Variants in TSHZ3 observed in about 807,000 individuals in gnomAD.
TSHZ3 encodes the protein teashirt homolog 3.
A neutral mutation model predicts 64.5 loss-of-function variants in TSHZ3; 10 were observed. The observed-to-expected ratio is 0.16, with a 90% CI of 0.10 to 0.26. The LOEUF is 0.26. TSHZ3 is among the 10% of genes least tolerant of loss of function. TSHZ3 has a pLI of 1.00. For synonymous variants in TSHZ3, 608 were observed against 593.1 expected (o/e 1.03, Z -0.36); for missense variants, 1,242 against 1,421.7 (o/e 0.87, Z 2.03).
At chr19:31,296,627 T>C (rs1976667017) in intron 1 of TSHZ3, among the ~76,000 whole-genome samples, 1 of 152,170 alleles carries the variant, frequency 6.6e-6, no homozygotes, top group South Asian at 2.1e-4. Flanking sequence ...TGGGCCACCT[T>C]GCCCAGTTAG....
At chr19:31,251,117 C>CT (rs1167374803) in intron 1 of TSHZ3, among the ~76,000 whole-genome samples, 1 of 152,116 alleles carries the variant, frequency 6.6e-6, no homozygotes, top group Non-Finnish European at 1.5e-5. Context: ...CCTTGGAAGC[C>CT]TTCCAGAAAT....
intron 5 of TSHZ3, among the ~76,000 whole-genome samples, chr19:31,162,495 C>CT (rs923526992): frequency 1.3e-5 from 2 of 152,186 alleles, no homozygotes; most frequent in African/African-American, 4.8e-5. Context: ...TGGATGACGG[C>CT]TTTTTTCCGA....
At chr19:31,205,010 T>C (rs1019777464) in exon 5 of TSHZ3, 2 of 152,262 alleles carry the variant, frequency 1.3e-5, no homozygotes, top group Non-Finnish European at 2.9e-5. Flanking sequence ...GAGGATGCTT[T>C]GAGGATGGAA....
rs7250260 is a variant in TSHZ3 at position 31,327,058 on chromosome 19, G to T, written c.40+22122C>A. Among the ~76,000 whole-genome samples, 1,352 of 152,170 alleles carry T rather than the reference G, an allele frequency of 8.9e-3. 24 individuals carry two copies. Among genetic ancestry groups the T allele is most frequent in the African/African-American group, 0.031 (1,291 of 41,494 alleles). On this transcript the variant is annotated intron_variant, in intron 1 of 1. Transcript: ENST00000240587. The stretch of plus-strand genomic sequence containing the variant: ...ACAGCACTCAGCCAGGCTACTGAAA[G>T]GCAGCAGCTTTCTGTTTCATTAAAA...
chr19:31,184,444 TG>T (rs36083945), intron 5 of TSHZ3, among the ~76,000 whole-genome samples: 6,282 of 152,290 alleles, frequency 0.041, 414 homozygotes, highest in African/African-American at 0.14. Context: ...ACTGTTTTAC[TG>T]AGGCCGTAAC....
intron 1 of TSHZ3, among the ~76,000 whole-genome samples, chr19:31,327,426 A>T (rs368545407): frequency 2.0e-5 from 3 of 152,342 alleles, no homozygotes; most frequent in African/African-American, 7.2e-5. Flanking sequence ...AATACCTGAA[A>T]TCCTTACTTT....
intron 1 of TSHZ3, among the ~76,000 whole-genome samples, chr19:31,264,536 GC>G (rs1976023560): frequency 6.6e-6 from 1 of 152,172 alleles, no homozygotes; most frequent in Non-Finnish European, 1.5e-5. Context: ...GAGGAGCAGG[GC>G]CCAGGGCCAG....
intron 5 of TSHZ3, among the ~76,000 whole-genome samples, chr19:31,186,085 G>A (rs1249974705): frequency 6.6e-6 from 1 of 152,082 alleles, no homozygotes; most frequent in East Asian, 1.9e-4. Context: ...CGAATGTTGG[G>A]GTTCCTTCCG....
chr19:31,328,359 C>T (rs1198008591), intron 1 of TSHZ3, among the ~76,000 whole-genome samples: 5 of 152,214 alleles, frequency 3.3e-5, no homozygotes, highest in African/African-American at 7.2e-5. Context: ...TATAAAACAG[C>T]GGGGACTGCG....
At chr19:31,218,457 T>G (rs2145165936) in intron 4 of TSHZ3, among the ~76,000 whole-genome samples, 1 of 152,282 alleles carries the variant, frequency 6.6e-6, no homozygotes. Context: ...TTGGTAGAAA[T>G]GCAAAATGGA....
chr19:31,310,324 CCA>C (rs1186040884), intron 1 of TSHZ3, among the ~76,000 whole-genome samples: 3 of 152,074 alleles, frequency 2.0e-5, no homozygotes, highest in African/African-American at 4.8e-5. Context: ...AGGAGAAAAA[CCA>C]CAGTCTTCCT....
At chr19:31,237,065 C>T (rs962706173) in intron 3 of TSHZ3, among the ~76,000 whole-genome samples, 1 of 2,680 alleles carries the variant, frequency 3.7e-4, no homozygotes, top group African/African-American at 2.0e-3. Context: ...AGGAGAATCG[C>T]TTGAACCCGG....
intron 4 of TSHZ3, among the ~76,000 whole-genome samples, chr19:31,209,058 T>G (rs1272138760): frequency 6.6e-6 from 1 of 152,076 alleles, no homozygotes; most frequent in Non-Finnish European, 1.5e-5. Context: ...GACCCCAGTT[T>G]GCCAGACGCC....
intron 5 of TSHZ3, among the ~76,000 whole-genome samples, chr19:31,190,578 T>C (rs561390052): frequency 6.6e-6 from 1 of 152,204 alleles, no homozygotes; most frequent in Admixed American, 6.5e-5. Flanking sequence ...AACTCAACAC[T>C]CTTTAGACCA....
chr19:31,181,623 C>T (rs941519155), intron 5 of TSHZ3, among the ~76,000 whole-genome samples: 1 of 152,058 alleles, frequency 6.6e-6, no homozygotes, highest in South Asian at 2.1e-4. Flanking sequence ...ATGGGCATCC[C>T]CCTCCAGACC....
At chr19:31,242,749 C>T (rs1975710240) in intron 2 of TSHZ3, among the ~76,000 whole-genome samples, 1 of 89,622 alleles carries the variant, frequency 1.1e-5, no homozygotes, top group African/African-American at 6.4e-5. Flanking sequence ...AGATGGGCGT[C>T]TCAGTTCTAA....
chr19:31,325,759 A>G (rs1004410053), intron 1 of TSHZ3, among the ~76,000 whole-genome samples: 1 of 152,208 alleles, frequency 6.6e-6, no homozygotes, highest in African/African-American at 2.4e-5. Context: ...ACTGTTTGTC[A>G]AAGAAAAGAC....
At position 31,277,928 on chromosome 19, in the gene TSHZ3, G is replaced by T. The variant is rs1976278214; in HGVS notation, c.1865C>A (p.Ala622Asp). The T allele has an allele frequency of 2.5e-6, 4 of 1,614,062 alleles. No homozygotes were observed. The highest frequency in any genetic ancestry group is 3.4e-6 in the Non-Finnish European group (4 of 1,180,036). The change falls in exon 2 of 2, where the codon GCC becomes GAC. Residue 622 changes from alanine (A) to aspartate (D), a missense_variant. Around this residue, in one of 4 missense-constraint regions of TSHZ3, gnomAD observed 550 missense variants for 545.1 expected, o/e 1.01. Transcript: ENST00000240587. The surrounding 1 kb of genome is among the most constrained non-coding windows in gnomAD (Gnocchi z 4.5). ...ELVKKVTEKV[A>D]KVEEKMKEPD... ...CTCCTTCATCTTCTCCTCCACTTTG[G>T]CAACTTTCTCAGTGACCTTTTTCAC...
At chr19:31,174,884 A>G (rs1365375722) in intron 5 of TSHZ3, among the ~76,000 whole-genome samples, 1 of 152,222 alleles carries the variant, frequency 6.6e-6, no homozygotes, top group African/African-American at 2.4e-5. Context: ...TTATGGGAAT[A>G]AACAAAAATC....
Sources: gnomAD v4.1 joint callset for allele counts (sites outside exome capture counted in the v4.1 genomes callset) on GRCh38, gnomAD v4.1.1 for gene constraint, gnomAD v4.1.1 regional missense constraint, Gnocchi (gnomAD v3.1) non-coding constraint, MANE v1.5 for transcripts, NCBI Gene and HGNC (gene_info 2026-07-23, HGNC 2026-07-21) for gene names.